ZNRF1: variants seen among roughly 807,000 people sequenced by gnomAD.
The protein encoded by ZNRF1 is E3 ubiquitin-protein ligase ZNRF1.
A neutral mutation model predicts 18.4 loss-of-function variants in ZNRF1; 3 were observed. The observed-to-expected ratio is 0.16, with a 90% CI of 0.07 to 0.42. ZNRF1 has a LOEUF of 0.42. ZNRF1 is among the 10% of genes least tolerant of loss of function. The pLI, the probability that ZNRF1 is intolerant of heterozygous loss-of-function variation, is 0.99. For synonymous variants in ZNRF1, 157 were observed against 144.2 expected (o/e 1.09, Z -0.64); for missense variants, 310 against 329.8 (o/e 0.94, Z 0.47).
rs150067542 is a variant in ZNRF1 at position 75,069,773 on chromosome 16, C to T, written c.425-23799C>T. On this transcript the variant is annotated intron_variant, in intron 1 of 4. Coordinates refer to ENST00000335325, the MANE Select transcript of ZNRF1 (RefSeq NM_032268.5). ...CATATCTCCAGTCCAGATCTTCCCC[C>T]TGGGCCTCGGCCCCTCACACCAGAT... 4.1e-4 allele frequency among the ~76,000 whole-genome samples: 63 copies of T among 152,320 alleles called. 1 individual carries two copies. The highest frequency in any genetic ancestry group is 1.5e-3 in the African/African-American group (62 of 41,562).
intron 1 of ZNRF1, among the ~76,000 whole-genome samples, chr16:75,003,579 G>A (rs567134772): frequency 7.2e-5 from 11 of 152,282 alleles, no homozygotes; most frequent in Admixed American, 6.5e-4. Flanking sequence ...GGTGGAGATG[G>A]GATTGGAATG....
At chr16:75,035,096 T>C (rs2035360166) in intron 1 of ZNRF1, among the ~76,000 whole-genome samples, 1 of 151,826 alleles carries the variant, frequency 6.6e-6, no homozygotes, top group Admixed American at 6.6e-5. Context: ...AATTTCTTCA[T>C]ATGCTTGCTG....
At chr16:75,019,058 C>G (rs889022426) in intron 1 of ZNRF1, among the ~76,000 whole-genome samples, 1 of 152,082 alleles carries the variant, frequency 6.6e-6, no homozygotes, top group Non-Finnish European at 1.5e-5. Flanking sequence ...CCCAGCTACT[C>G]AGGAGGTTGA....
chr16:75,019,929 T>C (rs1363046376), intron 1 of ZNRF1, among the ~76,000 whole-genome samples: 4 of 152,182 alleles, frequency 2.6e-5, no homozygotes, highest in African/African-American at 9.7e-5. Flanking sequence ...TTCGCCATGT[T>C]GCCCAGGCTG....
chr16:75,021,248 A>C (rs2035143770), intron 1 of ZNRF1, among the ~76,000 whole-genome samples: 1 of 151,986 alleles, frequency 6.6e-6, no homozygotes, highest in South Asian at 2.1e-4. Flanking sequence ...CACGTTGGCC[A>C]GGCTGGTCTC....
At chr16:75,025,968 G>C (rs1445059140) in intron 1 of ZNRF1, among the ~76,000 whole-genome samples, 5 of 152,186 alleles carry the variant, frequency 3.3e-5, no homozygotes, top group African/African-American at 1.2e-4. Flanking sequence ...CTTCCTTGGG[G>C]TGCTGCCAAC....
At chr16:75,042,439 CTTTCTT>C (rs1232568621) in intron 1 of ZNRF1, among the ~76,000 whole-genome samples, 17 of 84,870 alleles carry the variant, frequency 2.0e-4, no homozygotes, top group East Asian at 9.3e-4. Flanking sequence ...GTGTCTGTTT[CTTTCTT>C]TTTTTTTTTT....
chr16:75,098,280 A>C (rs2036221800), intron 2 of ZNRF1, among the ~76,000 whole-genome samples: 1 of 152,220 alleles, frequency 6.6e-6, no homozygotes, highest in Non-Finnish European at 1.5e-5. Context: ...TGGGGAAACC[A>C]GGAACAGGTG....
chr16:75,038,501 G>A (rs936545846), intron 1 of ZNRF1, among the ~76,000 whole-genome samples: 7 of 152,164 alleles, frequency 4.6e-5, no homozygotes, highest in South Asian at 2.1e-4. Context: ...TCCACCTTCC[G>A]TTGGTCAAAA....
chr16:75,075,072 CT>C (rs1423836228), intron 1 of ZNRF1, among the ~76,000 whole-genome samples: 6 of 121,446 alleles, frequency 4.9e-5, no homozygotes, highest in East Asian at 2.6e-4. Context: ...CTTTTCCCCC[CT>C]ATCTCTGGGC....
chr16:75,075,387 A>T (rs923032503), intron 1 of ZNRF1, among the ~76,000 whole-genome samples: 6 of 152,230 alleles, frequency 3.9e-5, no homozygotes, highest in Non-Finnish European at 8.8e-5. Context: ...TTGGGCAGGA[A>T]GCAGCATGAC....
At chr16:75,105,709 G>A (rs1306073419) in intron 3 of ZNRF1, 1 of 152,276 alleles carries the variant, frequency 6.6e-6, no homozygotes, top group Non-Finnish European at 1.5e-5. Flanking sequence ...GCACTAACCA[G>A]AACCAGAAAA....
intron 1 of ZNRF1, among the ~76,000 whole-genome samples, chr16:75,073,192 A>G (rs1239017883): frequency 6.6e-6 from 1 of 151,716 alleles, no homozygotes; most frequent in East Asian, 1.9e-4. Context: ...ATATACACAC[A>G]TAGATATGTA....
intron 1 of ZNRF1, among the ~76,000 whole-genome samples, chr16:75,073,255 T>G (rs1370427622): frequency 6.8e-6 from 1 of 147,956 alleles, no homozygotes; most frequent in African/African-American, 2.6e-5. Context: ...TGAGGCAAGA[T>G]TTTTTTTTTC....
chr16:75,089,158 A>G (rs1258492189), intron 1 of ZNRF1, among the ~76,000 whole-genome samples: 1 of 151,194 alleles, frequency 6.6e-6, no homozygotes, highest in Non-Finnish European at 1.5e-5. Context: ...GCTGGAGTGT[A>G]GTGGCATGAT....
chr16:75,055,569 T>G (rs921860890), intron 1 of ZNRF1, among the ~76,000 whole-genome samples: 3 of 152,202 alleles, frequency 2.0e-5, no homozygotes, highest in Non-Finnish European at 2.9e-5. Flanking sequence ...CTCGTCTCCC[T>G]ATGAGAGGCC....
At chr16:75,031,199 T>G (rs2035298557) in intron 1 of ZNRF1, among the ~76,000 whole-genome samples, 1 of 151,554 alleles carries the variant, frequency 6.6e-6, no homozygotes, top group Non-Finnish European at 1.5e-5. Context: ...TGGCACGATC[T>G]TGGCTCTCCG....
intron 1 of ZNRF1, among the ~76,000 whole-genome samples, chr16:75,042,190 C>G (rs957775933): frequency 3.3e-5 from 5 of 152,054 alleles, no homozygotes; most frequent in Admixed American, 6.6e-5. Context: ...CAATGTGTGG[C>G]CTGTGCTTTT....
intron 1 of ZNRF1, among the ~76,000 whole-genome samples, chr16:75,054,149 C>T (rs2035641245): frequency 6.6e-6 from 1 of 152,202 alleles, no homozygotes; most frequent in Non-Finnish European, 1.5e-5. Context: ...GGCAGAAGCC[C>T]ATGTGGAAAA....
Sources: allele counts gnomAD v4.1 joint callset (sites outside exome capture counted in the v4.1 genomes callset), GRCh38; gene constraint gnomAD v4.1.1; transcripts MANE v1.5; gene names NCBI Gene and HGNC (gene_info 2026-07-23, HGNC 2026-07-21).